Variants in MAPK10 observed in about 807,000 individuals in gnomAD.
MAPK10 encodes the protein mitogen-activated protein kinase 10, also known as JNK3 alpha protein kinase.
Under a neutral mutation model 59.3 loss-of-function variants are expected in MAPK10, and 25 were observed. That is an observed-to-expected ratio of 0.42 (90% CI 0.31 to 0.59). MAPK10 has a LOEUF of 0.59. MAPK10 is among the 20% of genes least tolerant of loss of function. The pLI is 0.15. For synonymous variants in MAPK10, 190 were observed against 200.5 expected (o/e 0.95, Z 0.44); for missense variants, 351 against 568.9 (o/e 0.62, Z 3.90).
At chr4:86,542,469 G>A (rs1285101060) in intron 1 of MAPK10, 1 of 153,100 alleles carries the variant, frequency 6.5e-6, no homozygotes, top group Admixed American at 6.5e-5. Flanking sequence ...CAGCTATTCA[G>A]GAGGCTGGGA....
intron 1 of MAPK10, among the ~76,000 whole-genome samples, chr4:86,482,301 GA>G (rs1304954081): frequency 3.9e-5 from 6 of 152,108 alleles, no homozygotes; most frequent in African/African-American, 1.4e-4. Flanking sequence ...TGTGAGGTGA[GA>G]TTTTTTTAAT....
At chr4:86,495,111 A>G (rs533811650) in intron 1 of MAPK10, among the ~76,000 whole-genome samples, 12 of 152,240 alleles carry the variant, frequency 7.9e-5, no homozygotes, top group Non-Finnish European at 1.6e-4. Flanking sequence ...GGCTGCTCCA[A>G]CAAGTTTAGG....
chr4:86,396,083 C>T (rs1244008491), intron 1 of MAPK10, among the ~76,000 whole-genome samples: 6 of 152,304 alleles, frequency 3.9e-5, no homozygotes, highest in Admixed American at 3.3e-4. Flanking sequence ...AGGTGGCTCA[C>T]GCCTGTAATC....
At chr4:86,242,960 G>A (rs2092834958) in intron 2 of MAPK10, among the ~76,000 whole-genome samples, 1 of 152,232 alleles carries the variant, frequency 6.6e-6, no homozygotes, top group South Asian at 2.1e-4. Flanking sequence ...GGGTTTGCGA[G>A]TGGGATCTTC....
chr4:86,212,396 C>G (rs115313487), intron 2 of MAPK10, among the ~76,000 whole-genome samples: 278 of 152,176 alleles, frequency 1.8e-3, no homozygotes, highest in Non-Finnish European at 3.3e-3. Context: ...GTGGTGCACA[C>G]CTGTATTCCT....
intron 2 of MAPK10, among the ~76,000 whole-genome samples, chr4:86,266,871 TATA>T (rs537726183): frequency 1.1e-3 from 174 of 152,136 alleles, no homozygotes; most frequent in African/African-American, 3.9e-3. Flanking sequence ...TATAATATTA[TATA>T]ATATTTTCTG....
At position 86,501,035 on chromosome 4, in the gene MAPK10, G is replaced by C. The variant is rs1042717315; in HGVS notation, c.-263+92875C>G. On this transcript the variant is annotated intron_variant, in intron 1 of 4. Coordinates refer to the MAPK10 transcript ENST00000502302. ...GGTAATGGTAAAAACATGATACTTT[G>C]GTAAACATATGAAACTCTTTACACT... is the stretch of plus-strand genomic sequence containing the variant. Among the ~76,000 whole-genome samples, 6 of 140,356 alleles carry C rather than the reference G, an allele frequency of 4.3e-5. No individual in the cohort carries two copies. The East Asian group carries it at 1.4e-3, about 32-fold the overall frequency. The allele number at this position is 140,356 out of a possible 152,430, so 92.1% of individuals were successfully genotyped here.
intron 2 of MAPK10, among the ~76,000 whole-genome samples, chr4:86,297,826 GT>G (rs1477420044): frequency 2.0e-5 from 3 of 151,904 alleles, no homozygotes; most frequent in African/African-American, 7.3e-5. Context: ...TTTCCCTCTG[GT>G]AACCTTTACA....
intron 2 of MAPK10, among the ~76,000 whole-genome samples, chr4:86,202,784 C>T (rs2082934024): frequency 6.6e-6 from 1 of 151,956 alleles, no homozygotes; most frequent in Admixed American, 6.6e-5. Flanking sequence ...AATAATCTTG[C>T]TATGAAAAGC....
intron 8 of MAPK10, chr4:86,099,292 G>A (rs2054868581): frequency 1.3e-5 from 2 of 152,138 alleles, no homozygotes; most frequent in African/African-American, 4.8e-5. Flanking sequence ...TCATCTGGAA[G>A]GAAAGTGAAA....
chr4:86,538,297 C>G (rs1758406621), intron 1 of MAPK10, among the ~76,000 whole-genome samples: 1 of 152,076 alleles, frequency 6.6e-6, no homozygotes, highest in Admixed American at 6.5e-5. Context: ...CAGGCATGTA[C>G]CACCATGCCT....
At chr4:86,312,573 T>C (rs1190790107) in intron 2 of MAPK10, among the ~76,000 whole-genome samples, 2 of 152,138 alleles carry the variant, frequency 1.3e-5, no homozygotes, top group African/African-American at 4.8e-5. Context: ...GTTTTTCACA[T>C]AGTCTAACTC....
intron 1 of MAPK10, among the ~76,000 whole-genome samples, chr4:86,397,471 T>C (rs1443931587): frequency 6.6e-6 from 1 of 152,114 alleles, no homozygotes; most frequent in Non-Finnish European, 1.5e-5. Context: ...AGAGAGTACT[T>C]TAAGACAGAT....
At chr4:86,451,249 G>A (rs1750680093) in intron 1 of MAPK10, among the ~76,000 whole-genome samples, 1 of 152,080 alleles carries the variant, frequency 6.6e-6, no homozygotes, top group Non-Finnish European at 1.5e-5. Flanking sequence ...AAGTTTTTAT[G>A]TCCTACACTG....
chr4:86,078,573 G>T lies in MAPK10; in HGVS notation c.803-10618C>A, dbSNP rs1005788455. 6.1e-5 allele frequency among the ~76,000 whole-genome samples: 9 copies of T among 147,278 alleles called. No individual in the cohort carries two copies. The East Asian group carries it at 1.8e-3, about 29-fold the overall frequency. ...TAAAAGAATTTTTTTCTAAAAACAA[G>T]TATAAGGAAATACATATGTATATAT... On this transcript the variant is annotated intron_variant, in intron 9 of 13. Transcript: ENST00000641462.
intron 1 of MAPK10, among the ~76,000 whole-genome samples, chr4:86,577,135 G>A (rs189643658): frequency 1.1e-4 from 16 of 152,004 alleles, no homozygotes; most frequent in Non-Finnish European, 2.2e-4. Flanking sequence ...GAGAACCCCC[G>A]CAACCACCCA....
chr4:86,198,334 A>G (rs1429423201), intron 2 of MAPK10, among the ~76,000 whole-genome samples: 1 of 152,058 alleles, frequency 6.6e-6, no homozygotes, highest in Non-Finnish European at 1.5e-5. Context: ...CAGTAATGCA[A>G]CTGTGTGTGC....
intron 1 of MAPK10, among the ~76,000 whole-genome samples, chr4:86,507,564 CA>C (rs1365512771): frequency 7.5e-6 from 1 of 132,498 alleles, no homozygotes; most frequent in Non-Finnish European, 1.6e-5. Context: ...ACAAAGGAGA[CA>C]GACTAAATAT....
At chr4:86,106,114 T>C (rs1446118732) in intron 5 of MAPK10, among the ~76,000 whole-genome samples, 3 of 152,114 alleles carry the variant, frequency 2.0e-5, no homozygotes, top group East Asian at 3.8e-4. Context: ...AATGACTGAA[T>C]TAAAAAATCA....
Sources: allele counts gnomAD v4.1 joint callset (sites outside exome capture counted in the v4.1 genomes callset), GRCh38; gene constraint gnomAD v4.1.1; transcripts MANE v1.5; gene names NCBI Gene and HGNC (gene_info 2026-07-23, HGNC 2026-07-21).